Variants in KHDRBS3 observed in about 807,000 individuals in gnomAD.
The protein encoded by KHDRBS3 is KH RNA binding domain containing, signal transduction associated 3.
A neutral mutation model predicts 45.6 loss-of-function variants in KHDRBS3; 23 were observed. The ratio of observed to expected loss-of-function variants is 0.50; its 90% CI spans 0.36 to 0.72. The LOEUF (loss-of-function observed/expected upper bound fraction) is 0.72, where lower values mean the gene tolerates loss of function less well. Among genes scored for constraint, KHDRBS3 ranks in the 30% least tolerant of loss-of-function variants. The pLI is 0.00. For synonymous variants in KHDRBS3, 162 were observed against 156.5 expected, an observed-to-expected ratio of 1.04 and a Z score of -0.26; for missense variants, 352 against 424.8, an observed-to-expected ratio of 0.83 and a Z score of 1.51.
chr8:135,573,799 G>A (rs998062295), intron 5 of KHDRBS3, among the ~76,000 whole-genome samples: 1 of 151,884 alleles, frequency 6.6e-6, no homozygotes, highest in Non-Finnish European at 1.5e-5. Flanking sequence ...AGCCTTCCTG[G>A]ATTTTTTTCA....
intron 3 of KHDRBS3, among the ~76,000 whole-genome samples, chr8:135,545,079 T>A (rs1014456412): frequency 6.6e-6 from 1 of 152,086 alleles, no homozygotes; most frequent in African/African-American, 2.4e-5. Flanking sequence ...GATCTGAGAT[T>A]CAGAGAATTT....
At chr8:135,504,892 A>G (rs1823912238) in intron 1 of KHDRBS3, among the ~76,000 whole-genome samples, 2 of 152,126 alleles carry the variant, frequency 1.3e-5, no homozygotes, top group South Asian at 4.1e-4. Flanking sequence ...GATCATGATG[A>G]TATATAGTAG....
chr8:135,514,637 C>T (rs945549336), intron 1 of KHDRBS3, among the ~76,000 whole-genome samples: 8 of 152,016 alleles, frequency 5.3e-5, no homozygotes, highest in South Asian at 2.1e-4. Flanking sequence ...ATCTGTTGCA[C>T]GACAGTGTGG....
chr8:135,525,992 T>A (rs1267205972), intron 2 of KHDRBS3, among the ~76,000 whole-genome samples: 1 of 152,180 alleles, frequency 6.6e-6, no homozygotes, highest in East Asian at 1.9e-4. Context: ...TTGCTGTATC[T>A]TTTCTATGTT....
chr8:135,522,682 A>G (rs1040501468), intron 2 of KHDRBS3, among the ~76,000 whole-genome samples: 9 of 152,116 alleles, frequency 5.9e-5, no homozygotes, highest in African/African-American at 1.9e-4. Context: ...TCATATCCTT[A>G]TTGGCTATTC....
At chr8:135,499,216 T>C (rs1160087956) in intron 1 of KHDRBS3, among the ~76,000 whole-genome samples, 1 of 152,238 alleles carries the variant, frequency 6.6e-6, no homozygotes, top group Non-Finnish European at 1.5e-5. Context: ...TGACAATACA[T>C]GTAGGTAATA....
chr8:135,499,281 C>G (rs909892650), intron 1 of KHDRBS3, among the ~76,000 whole-genome samples: 4 of 152,176 alleles, frequency 2.6e-5, no homozygotes, highest in Admixed American at 2.6e-4. Context: ...AGCTCCTTAA[C>G]AACAGTCCTG....
At chr8:135,528,866 A>G (rs1459215025) in intron 2 of KHDRBS3, among the ~76,000 whole-genome samples, 1 of 152,190 alleles carries the variant, frequency 6.6e-6, no homozygotes, top group Non-Finnish European at 1.5e-5. Flanking sequence ...ATAGGGGCAG[A>G]GTCCTCATGA....
At chr8:135,632,463 A>G (rs1238575069) in intron 7 of KHDRBS3, among the ~76,000 whole-genome samples, 1 of 151,958 alleles carries the variant, frequency 6.6e-6, no homozygotes, top group Non-Finnish European at 1.5e-5. Context: ...TTAACGACCA[A>G]GAGCAATGAT....
intron 5 of KHDRBS3, among the ~76,000 whole-genome samples, chr8:135,573,640 A>G (rs976609960): frequency 6.6e-6 from 1 of 152,238 alleles, no homozygotes; most frequent in African/African-American, 2.4e-5. Context: ...CCCAAAGTGT[A>G]TGCTTTTTCA....
At chr8:135,484,611 A>G (rs556647821) in intron 1 of KHDRBS3, among the ~76,000 whole-genome samples, 2 of 152,366 alleles carry the variant, frequency 1.3e-5, no homozygotes, top group South Asian at 4.1e-4. Flanking sequence ...CTCTACTGCA[A>G]AGTGAACATG....
chr8:135,485,261 T>C (rs1822797766), intron 1 of KHDRBS3, among the ~76,000 whole-genome samples: 1 of 152,208 alleles, frequency 6.6e-6, no homozygotes, highest in Non-Finnish European at 1.5e-5. Context: ...CAATGAAAGA[T>C]ATTGAATGAA....
chr8:135,645,707 T>A (rs1159191806), intron 8 of KHDRBS3, among the ~76,000 whole-genome samples: 1 of 152,232 alleles, frequency 6.6e-6, no homozygotes, highest in African/African-American at 2.4e-5. Flanking sequence ...AGTCTCACTA[T>A]GCAGAACGAT....
At chr8:135,464,563 G>C (rs1232175074) in intron 1 of KHDRBS3, among the ~76,000 whole-genome samples, 1 of 152,046 alleles carries the variant, frequency 6.6e-6, no homozygotes, top group African/African-American at 2.4e-5. Flanking sequence ...TCTAAAAATA[G>C]GTTCACAAAA....
chr8:135,515,081 G>T (rs1420978877), intron 1 of KHDRBS3, among the ~76,000 whole-genome samples: 1 of 152,018 alleles, frequency 6.6e-6, no homozygotes, highest in Non-Finnish European at 1.5e-5. Flanking sequence ...AAGATTCCTT[G>T]TGGGGCTGGG....
At chr8:135,643,448 G>A (rs1418108660) in intron 7 of KHDRBS3, among the ~76,000 whole-genome samples, 1 of 152,186 alleles carries the variant, frequency 6.6e-6, no homozygotes, top group Non-Finnish European at 1.5e-5. Flanking sequence ...AGGGATACCA[G>A]CAAGGTTCTC....
intron 7 of KHDRBS3, among the ~76,000 whole-genome samples, chr8:135,614,820 T>C (rs910937483): frequency 1.1e-4 from 16 of 151,796 alleles, no homozygotes; most frequent in African/African-American, 2.4e-5. Context: ...AGGCGGACTT[T>C]ATTCAGGACC....
chr8:135,536,996 A>T (rs1237114286), intron 2 of KHDRBS3, among the ~76,000 whole-genome samples: 1 of 19,966 alleles, frequency 5.0e-5, no homozygotes, highest in Admixed American at 6.5e-4. Context: ...AAAAAAAAAA[A>T]AGGAGATGTT....
In KHDRBS3 at chr8:135,523,695, C is replaced by A. The variant is rs143040159; in HGVS notation, c.207+2340C>A. ...GTTTCTAATCAAGGAGGAAAGCATG[C>A]AGTTATTTTAACATTAAGAACAATA... On this transcript the variant is annotated intron_variant, in intron 2 of 8. Transcript: ENST00000355849. Among the ~76,000 whole-genome samples the A allele has an allele frequency of 1.6e-4, 25 of 152,220 alleles. No individual in the cohort carries two copies. In the East Asian group the frequency reaches 4.5e-3, roughly 27 times the overall value.
Sources: gnomAD v4.1 joint callset for allele counts (sites outside exome capture counted in the v4.1 genomes callset) on GRCh38, gnomAD v4.1.1 for gene constraint, MANE v1.5 for transcripts, NCBI Gene and HGNC (gene_info 2026-07-23, HGNC 2026-07-21) for gene names.